The following FAT4 variants were observed in gnomAD, a reference collection of about 807,000 sequenced individuals.
FAT4 encodes FAT atypical cadherin 4, also known as protocadherin Fat 4.
Under a neutral mutation model 303.9 loss-of-function variants are expected in FAT4, and 84 were observed. The observed-to-expected ratio is 0.28, with a 90% CI of 0.23 to 0.33. FAT4 has a LOEUF of 0.33. Ranked by LOEUF, FAT4 falls within the 10% of genes least tolerant of loss-of-function variation. The pLI, the probability that FAT4 is intolerant of heterozygous loss-of-function variation, is 1.00. For missense variants in FAT4, 6,005 were observed against 6,146.8 expected (o/e 0.98, Z 0.77); for synonymous variants, 2,307 against 2,298.8 (o/e 1.00, Z -0.10).
intron 15 of FAT4, 82 bp downstream of exon 15, chr4:125,479,947 T>A: frequency 9.3e-7 from 1 of 1,070,168 alleles, no homozygotes; most frequent in Non-Finnish European, 1.3e-6. Flanking sequence ...TGTAATCAAA[T>A]TAAAAATTAT....
intron 12 of FAT4, among the ~76,000 whole-genome samples, chr4:125,471,935 G>C (rs867034788): frequency 7.6e-6 from 1 of 131,962 alleles, no homozygotes; most frequent in Non-Finnish European, 1.6e-5. Flanking sequence ...AAATTAGCCC[G>C]GCATAGCGGT....
At chr4:125,416,733 G>C in intron 7 of FAT4, 111 bp downstream of exon 7, 2 of 1,065,366 alleles carry the variant, frequency 1.9e-6, no homozygotes, top group Non-Finnish European at 2.7e-6. Context: ...ATTACTTGAG[G>C]TCGGGAGTTC....
chr4:125,362,980 C>T (rs1732728933), intron 2 of FAT4: 1 of 151,568 alleles, frequency 6.6e-6, no homozygotes, highest in Non-Finnish European at 1.5e-5. Flanking sequence ...CTTTTCCTAG[C>T]TTGGCATTAG....
chr4:125,381,228 A>T (rs1233335881), intron 2 of FAT4, among the ~76,000 whole-genome samples: 4 of 152,328 alleles, frequency 2.6e-5, no homozygotes, highest in Admixed American at 1.3e-4. Flanking sequence ...AAAACTAATA[A>T]TACAGTTGTC....
chr4:125,365,437 C>A (rs1259075742), intron 2 of FAT4, among the ~76,000 whole-genome samples: 1 of 152,006 alleles, frequency 6.6e-6, no homozygotes, highest in Non-Finnish European at 1.5e-5. Flanking sequence ...CTCTTTTTTT[C>A]TTGCTTCCTA....
At position 125,320,776 on chromosome 4, in the gene FAT4, A is replaced by C; in HGVS notation, c.4365A>C (p.Leu1455=). The part of the protein sequence containing the change: ...HDPDADINGQ[L]SYTIIQQMPR... ...CTGATGCAGACATTAATGGTCAACT[A>C]TCCTACACAATCATTCAACAGATGC... The change falls in exon 2 of 18, where the codon CTA becomes CTC. Residue 1455 remains leucine (L), a synonymous_variant. Transcript: ENST00000394329. The C allele has an allele frequency of 6.2e-7, 1 of 1,614,136 alleles. No individual in the cohort carries two copies. Among genetic ancestry groups the C allele is most frequent in the Non-Finnish European group, 8.5e-7 (1 of 1,179,976 alleles).
intron 8 of FAT4, among the ~76,000 whole-genome samples, chr4:125,439,359 G>A (rs1725568266): frequency 6.7e-6 from 1 of 148,506 alleles, no homozygotes; most frequent in Admixed American, 6.7e-5. Context: ...TTGAGATGGA[G>A]TCTCGCTCTG....
intron 10 of FAT4, among the ~76,000 whole-genome samples, chr4:125,453,149 T>C (rs4585321): frequency 0.99 from 151,180 of 152,222 alleles, 75,080 homozygotes; most frequent in Middle Eastern, 1. Flanking sequence ...AGAACTTAAG[T>C]GCTTAATCTC....
At chr4:125,326,208 A>C (rs1731151599) in intron 2 of FAT4, among the ~76,000 whole-genome samples, 1 of 152,092 alleles carries the variant, frequency 6.6e-6, no homozygotes, top group African/African-American at 2.4e-5. Flanking sequence ...AGAAACTATT[A>C]AGATTTCCAA....
Position 125,318,149 on chromosome 4 carries a change from C to T in FAT4, c.1738C>T (p.Pro580Ser), listed in dbSNP as rs1220275998. ...VTLLDVNDEK[P>S]VFSQPEGYDV... The stretch of plus-strand genomic sequence containing the variant: ...TCTCCTAGATGTGAATGATGAAAAG[C>T]CAGTATTTAGCCAGCCAGAAGGGTA... The change falls in exon 2 of 18, where the codon CCA (proline) becomes TCA (serine). Residue 580 changes from proline to serine, a missense_variant. By Grantham distance (74) the Pro-to-Ser change is moderately conservative. Transcript: ENST00000394329. 6.2e-7 allele frequency: 1 copy of T among 1,614,140 alleles called. No individual in the cohort carries two copies. Among genetic ancestry groups the T allele is most frequent in the Admixed American group, 1.7e-5 (1 of 60,022 alleles).
chr4:125,328,307 T>C (rs573552874), intron 2 of FAT4, among the ~76,000 whole-genome samples: 70 of 152,292 alleles, frequency 4.6e-4, no homozygotes, highest in African/African-American at 1.7e-3. Flanking sequence ...ATGCCCCCAT[T>C]GTACAAAGAC....
intron 2 of FAT4, among the ~76,000 whole-genome samples, chr4:125,382,286 G>A (rs1733571798): frequency 1.3e-5 from 2 of 152,120 alleles, no homozygotes; most frequent in South Asian, 2.1e-4. Context: ...AGCCTTACAA[G>A]ATGTATTTCT....
intron 2 of FAT4, among the ~76,000 whole-genome samples, chr4:125,333,727 T>C (rs1288835823): frequency 6.6e-6 from 1 of 152,184 alleles, no homozygotes; most frequent in Admixed American, 6.6e-5. Flanking sequence ...GTAATCTGTG[T>C]CTTAGATTGT....
At chr4:125,397,310 G>A (rs563754507) in intron 2 of FAT4, among the ~76,000 whole-genome samples, 17 of 152,056 alleles carry the variant, frequency 1.1e-4, no homozygotes, top group Non-Finnish European at 2.2e-4. Flanking sequence ...TTAAGTGCCC[G>A]AGTTCATCTA....
intron 9 of FAT4, among the ~76,000 whole-genome samples, chr4:125,447,880 C>G (rs183777895): frequency 6.6e-6 from 1 of 151,992 alleles, no homozygotes; most frequent in East Asian, 1.9e-4. Flanking sequence ...TATGTATATA[C>G]ACACACATAT....
chr4:125,367,216 A>G (rs1341413304), intron 2 of FAT4, among the ~76,000 whole-genome samples: 4 of 152,186 alleles, frequency 2.6e-5, no homozygotes, highest in Non-Finnish European at 5.9e-5. Context: ...TCATCCACCA[A>G]TTATAATTCT....
chr4:125,478,808 G>C (rs1314782251), intron 14 of FAT4, among the ~76,000 whole-genome samples: 1 of 152,078 alleles, frequency 6.6e-6, no homozygotes, highest in Non-Finnish European at 1.5e-5. Flanking sequence ...GATTATAGAG[G>C]AGAGCCACTG....
chr4:125,490,280 G>A lies in FAT4; in HGVS notation c.13464G>A (p.Gly4488=), dbSNP rs1257618816. 6.2e-7 allele frequency: 1 copy of A among 1,614,102 alleles called. No individual in the cohort carries two copies. The highest frequency in any genetic ancestry group is 1.7e-5 in the Admixed American group (1 of 60,010). Residue 4488 remains glycine, a synonymous_variant, in exon 18 of 18, where the codon GGG becomes GGA. Coordinates refer to ENST00000394329, the MANE Select transcript of FAT4 (RefSeq NM_001291303.3). Reference sequence around the variant, plus strand: ...TGTGCAAAGCTGGAAGTCCTGCGGGGCATGTCTGTGTTCTGAGTCAGGGCC... The same window carrying A: ...TGTGCAAAGCTGGAAGTCCTGCGGGACATGTCTGTGTTCTGAGTCAGGGCC... The part of the protein sequence containing the change: ...GKVCKAGSPA[G]HVCVLSQGPE...
At chr4:125,433,116 A>T (rs1395551009) in intron 7 of FAT4, among the ~76,000 whole-genome samples, 1 of 152,192 alleles carries the variant, frequency 6.6e-6, no homozygotes, top group Non-Finnish European at 1.5e-5. Flanking sequence ...TAAAGGAAAT[A>T]CCAGCAAATC....
Sources: gnomAD v4.1 joint callset for allele counts (sites outside exome capture counted in the v4.1 genomes callset) on GRCh38, gnomAD v4.1.1 for gene constraint, MANE v1.5 for transcripts, NCBI Gene and HGNC (gene_info 2026-07-23, HGNC 2026-07-21) for gene names.